The following VWA3B variants were observed in gnomAD, a reference collection of about 807,000 sequenced individuals.
VWA3B encodes von Willebrand factor A domain containing 3B.
VWA3B carries 138 observed loss-of-function variants against 158.3 expected under a neutral mutation model. The ratio of observed to expected loss-of-function variants is 0.87; its 90% CI spans 0.76 to 1.00. VWA3B has a LOEUF of 1.00. Ranked by LOEUF, VWA3B falls within the 50% of genes least tolerant of loss-of-function variation. VWA3B has a pLI of 0.00. For missense variants in VWA3B, 1,555 were observed against 1,565.1 expected, an observed-to-expected ratio of 0.99 and a Z score of 0.11; for synonymous variants, 596 against 587.3, an observed-to-expected ratio of 1.01 and a Z score of -0.21.
intron 22 of VWA3B, among the ~76,000 whole-genome samples, chr2:98,272,473 G>T (rs747375682): frequency 2.4e-4 from 37 of 152,218 alleles, no homozygotes; most frequent in South Asian, 8.3e-4. Context: ...TGTCCTTTTG[G>T]GTTCTTATGG....
chr2:98,205,175 A>G (rs1215564956), intron 12 of VWA3B, among the ~76,000 whole-genome samples: 2 of 152,182 alleles, frequency 1.3e-5, no homozygotes. Context: ...ACTTCTTTTC[A>G]GGGGCTTTTT....
At chr2:98,126,267 G>A (rs1675342576) in intron 5 of VWA3B, among the ~76,000 whole-genome samples, 1 of 152,240 alleles carries the variant, frequency 6.6e-6, no homozygotes, top group Admixed American at 6.5e-5. Context: ...TGGGATTAGT[G>A]CCAGAGGAAA....
intron 2 of VWA3B, among the ~76,000 whole-genome samples, chr2:98,102,432 C>G (rs576185339): frequency 9.9e-5 from 15 of 152,238 alleles, no homozygotes; most frequent in African/African-American, 3.6e-4. Context: ...TCACTTCACA[C>G]TTGGAAGATT....
In VWA3B at chr2:98,187,879, G is replaced by A. The variant is rs376530839; in HGVS notation, c.1312-96G>A. On this transcript the variant is annotated intron_variant, in intron 9 of 27. Transcript: ENST00000477737. ...TGATTGACGGTAGAGTGGAGTGCTA[G>A]GAGCCACTTGAATACGACAGAGCTT... 311 of 1,314,082 alleles carry A rather than the reference G, an allele frequency of 2.4e-4. 1 individual carries two copies. The East Asian group carries it at 3.9e-3, about 17-fold the overall frequency. The allele number at this position is 1,314,082 out of a possible 1,614,324, so 81.4% of individuals were successfully genotyped here.
intron 8 of VWA3B, among the ~76,000 whole-genome samples, chr2:98,176,317 T>TCCTC (rs1680013260): frequency 7.6e-6 from 1 of 131,504 alleles, no homozygotes; most frequent in African/African-American, 2.9e-5. Flanking sequence ...TTCCCTCCTT[T>TCCTC]CCTCCCTCCC....
chr2:98,324,898 T>A, the VWA3B span, among the ~76,000 whole-genome samples: 1 of 134,204 alleles, frequency 7.5e-6, no homozygotes, highest in Admixed American at 7.8e-5. Context: ...AAAAATACAA[T>A]GTCTTAATGT....
At chr2:98,187,422 C>T (rs1681169449) in intron 9 of VWA3B, among the ~76,000 whole-genome samples, 1 of 151,894 alleles carries the variant, frequency 6.6e-6, no homozygotes, top group South Asian at 2.1e-4. Flanking sequence ...CTCGCTCCGT[C>T]TGTCTCAGTG....
chr2:98,202,934 G>A (rs1303756669), intron 12 of VWA3B, among the ~76,000 whole-genome samples: 1 of 152,154 alleles, frequency 6.6e-6, no homozygotes, highest in Non-Finnish European at 1.5e-5. Flanking sequence ...CCAGGTTCAA[G>A]CGATTCTCCT....
At chr2:98,234,829 A>G in intron 17 of VWA3B, 62 bp downstream of exon 17, 2 of 1,607,420 alleles carry the variant, frequency 1.2e-6, no homozygotes, top group South Asian at 1.1e-5. Context: ...TCTGTTCCAG[A>G]AAGAGCTGCG....
chr2:98,272,094 C>G (rs1016614264), intron 22 of VWA3B, among the ~76,000 whole-genome samples: 6 of 152,220 alleles, frequency 3.9e-5, no homozygotes, highest in Non-Finnish European at 8.8e-5. Flanking sequence ...CAATTCAACT[C>G]TGACACTACC....
intron 7 of VWA3B, among the ~76,000 whole-genome samples, chr2:98,156,911 G>A (rs980953793): frequency 6.6e-6 from 1 of 152,152 alleles, no homozygotes; most frequent in Non-Finnish European, 1.5e-5. Context: ...GCATCCTGGA[G>A]TCTGCGGTCA....
intron 7 of VWA3B, among the ~76,000 whole-genome samples, chr2:98,143,045 A>G (rs1197771216): frequency 6.6e-6 from 1 of 152,106 alleles, no homozygotes; most frequent in Non-Finnish European, 1.5e-5. Context: ...AAATATATAT[A>G]TATTTGTTTG....
chr2:98,231,976 G>A (rs934963059), intron 16 of VWA3B, among the ~76,000 whole-genome samples: 1 of 152,096 alleles, frequency 6.6e-6, no homozygotes, highest in Non-Finnish European at 1.5e-5. Context: ...TTTTAACACT[G>A]ACTTCATCCA....
chr2:98,246,741 T>C (rs1427400863), intron 19 of VWA3B, among the ~76,000 whole-genome samples: 1 of 152,168 alleles, frequency 6.6e-6, no homozygotes, highest in Non-Finnish European at 1.5e-5. Flanking sequence ...TAAAACTTTA[T>C]AGAAATGGTA....
Position 98,194,374 on chromosome 2 carries a change from A to T in VWA3B, c.1619A>T (p.Tyr540Phe). 6.2e-7 allele frequency: 1 copy of T among 1,613,890 alleles called. No individual in the cohort carries two copies. The highest frequency in any genetic ancestry group is 8.5e-7 in the Non-Finnish European group (1 of 1,179,832). The part of the protein sequence containing the change: ...IIQFIQEQLK[Y>F]KSKFNFVKFD... ...TGTCTCTTTTAGGAACAGCTGAAAT[A>T]TAAAAGTAAGTTTAACTTTGTGAAG... The change falls in exon 12 of 28, where the codon TAT becomes TTT. Residue 540 changes from tyrosine (Y) to phenylalanine (F), a missense_variant. Tyr to Phe is a conservative substitution (Grantham distance 22). Transcript: ENST00000477737.
intron 2 of VWA3B, among the ~76,000 whole-genome samples, chr2:98,114,404 T>G (rs988002812): frequency 9.2e-5 from 14 of 152,260 alleles, no homozygotes; most frequent in Non-Finnish European, 4.4e-5. Context: ...AGATTATTGC[T>G]GATGGAATTC....
intron 13 of VWA3B, among the ~76,000 whole-genome samples, chr2:98,213,060 T>A (rs1298268963): frequency 6.6e-6 from 1 of 151,976 alleles, no homozygotes; most frequent in Non-Finnish European, 1.5e-5. Context: ...GGAGGGAAGG[T>A]CAGGGCAGGT....
the VWA3B span, among the ~76,000 whole-genome samples, chr2:98,318,897 G>A: frequency 6.6e-6 from 1 of 152,098 alleles, no homozygotes; most frequent in Non-Finnish European, 1.5e-5. Flanking sequence ...CAACCCCTTG[G>A]ATACCAAAAT....
intron 8 of VWA3B, among the ~76,000 whole-genome samples, chr2:98,165,332 G>C (rs1456777950): frequency 6.6e-6 from 1 of 152,224 alleles, no homozygotes; most frequent in Non-Finnish European, 1.5e-5. Flanking sequence ...ATGAAGCCTA[G>C]ATTCAAAACC....
Sources: gnomAD v4.1 joint callset for allele counts (sites outside exome capture counted in the v4.1 genomes callset) on GRCh38, gnomAD v4.1.1 for gene constraint, MANE v1.5 for transcripts, NCBI Gene and HGNC (gene_info 2026-07-23, HGNC 2026-07-21) for gene names.